The following RNF8 variants were observed in gnomAD, a reference collection of about 807,000 sequenced individuals.
RNF8 encodes the protein ring finger protein 8.
RNF8 carries 8 observed loss-of-function variants against 59.3 expected under a neutral mutation model. The ratio of observed to expected loss-of-function variants is 0.13; its 90% CI spans 0.08 to 0.24. RNF8 has a LOEUF of 0.24. Among genes scored for constraint, RNF8 ranks in the 10% least tolerant of loss-of-function variants. The pLI, the probability that RNF8 is intolerant of heterozygous loss-of-function variation, is 1.00. For missense variants in RNF8, 406 were observed against 572.6 expected, an observed-to-expected ratio of 0.71 and a Z score of 2.97; for synonymous variants, 162 against 200.0, an observed-to-expected ratio of 0.81 and a Z score of 1.60.
chr6:37,388,277 GTTTC>G (rs1352535929), intron 7 of RNF8, among the ~76,000 whole-genome samples: 2 of 152,168 alleles, frequency 1.3e-5, no homozygotes, highest in Non-Finnish European at 2.9e-5. Context: ...TCATGTCTAG[GTTTC>G]TTTCTATTGG....
chr6:37,393,478 A>G lies in RNF8; in HGVS notation c.*2720A>G, dbSNP rs1315544439. On this transcript the variant is annotated 3_prime_UTR_variant, in exon 8 of 8. Coordinates refer to ENST00000373479, the MANE Select transcript of RNF8 (RefSeq NM_003958.4). The stretch of plus-strand genomic sequence containing the variant: ...GGTAACTTTTCTGCCTTGCAGCATC[A>G]AACTATAGTACAGCTGAGCCCCAGT... 1 of 152,246 alleles carries G rather than the reference A, an allele frequency of 6.6e-6. No homozygotes were observed. Among genetic ancestry groups the G allele is most frequent in the Non-Finnish European group, 1.5e-5 (1 of 68,056 alleles). 9.4% of individuals were successfully genotyped at this position (152,246 alleles called of 1,614,324 possible). A position where few individuals can be genotyped will look rare whatever the true frequency, so the allele number is the denominator to read the frequency against.
chr6:37,382,142 CATT>C (rs1770293634), intron 7 of RNF8, among the ~76,000 whole-genome samples: 1 of 152,156 alleles, frequency 6.6e-6, no homozygotes, highest in African/African-American at 2.4e-5. Context: ...TTAAATAAGA[CATT>C]ATCTCAGCCC....
intron 3 of RNF8, among the ~76,000 whole-genome samples, 158 bp from the exon 4 acceptor site, chr6:37,371,354 C>T (rs1438825753): frequency 6.6e-6 from 1 of 152,056 alleles, no homozygotes; most frequent in Non-Finnish European, 1.5e-5. Context: ...TCTTTACTGC[C>T]AACAGCTTGA....
rs867898086 is a variant in RNF8, at chr6:37,383,435, A to G, written c.1441+2081A>G. Among the ~76,000 whole-genome samples, 52 of 152,234 alleles carry G rather than the reference A, an allele frequency of 3.4e-4. 1 individual carries two copies. Among genetic ancestry groups the G allele is most frequent in the Admixed American group, 2.0e-3 (30 of 15,286 alleles). Reference sequence around the variant, plus strand: ...AAAAAGGACCAAATTTAGGATCTGGAAACTAGGATTGGCAAGCCTGTAATT... The same window carrying G: ...AAAAAGGACCAAATTTAGGATCTGGGAACTAGGATTGGCAAGCCTGTAATT... On this transcript the variant is annotated intron_variant, in intron 7 of 7. Transcript: ENST00000373479.
chr6:37,354,886 G>C (rs890266975), intron 1 of RNF8, among the ~76,000 whole-genome samples: 1 of 152,222 alleles, frequency 6.6e-6, no homozygotes, highest in Non-Finnish European at 1.5e-5. Context: ...TTTGGGTTTT[G>C]TCCCTTAAAG....
chr6:37,380,802 C>G (rs1770229548), intron 6 of RNF8, among the ~76,000 whole-genome samples: 1 of 152,036 alleles, frequency 6.6e-6, no homozygotes, highest in South Asian at 2.1e-4. Flanking sequence ...CGTGCCTCAG[C>G]CACCCGAGTA....
In RNF8 at chr6:37,369,238, G is replaced by C; in HGVS notation, c.975+20G>C. On this transcript the variant is annotated intron_variant, in intron 3 of 7. Transcript: ENST00000373479. ...CTTCAGGTACCACACAGAAGGGAAG[G>C]GCAAGAGTGGTCTTCAGGGGTGGGG... 1 of 1,580,666 alleles carries C rather than the reference G, an allele frequency of 6.3e-7. No individual in the cohort carries two copies. The highest frequency in any genetic ancestry group is 8.6e-7 in the Non-Finnish European group (1 of 1,163,974).
At chr6:37,387,607 G>T (rs370058235) in intron 7 of RNF8, among the ~76,000 whole-genome samples, 1 of 152,190 alleles carries the variant, frequency 6.6e-6, no homozygotes, top group Non-Finnish European at 1.5e-5. Flanking sequence ...TTCCCACAGC[G>T]CTGGGGTTAT....
intron 2 of RNF8, among the ~76,000 whole-genome samples, chr6:37,362,258 A>G (rs1255449713): frequency 6.6e-6 from 1 of 152,198 alleles, no homozygotes; most frequent in African/African-American, 2.4e-5. Flanking sequence ...GCAGATTTTC[A>G]TAGGTTGGGA....
chr6:37,354,343 G>A, intron 1 of RNF8, 68 bp downstream of exon 1: 2 of 1,284,226 alleles, frequency 1.6e-6, no homozygotes, highest in East Asian at 2.6e-5. Context: ...GGGGAGGGAG[G>A]AAGGTGTCTT....
intron 7 of RNF8, among the ~76,000 whole-genome samples, chr6:37,389,704 G>A (rs1182471394): frequency 1.3e-5 from 2 of 151,970 alleles, no homozygotes; most frequent in Admixed American, 1.3e-4. Context: ...GTATCGTGGG[G>A]GGGTGGGGCA....
chr6:37,379,607 A>G (rs1770169023), intron 6 of RNF8, among the ~76,000 whole-genome samples: 1 of 152,200 alleles, frequency 6.6e-6, no homozygotes, highest in Admixed American at 6.5e-5. Flanking sequence ...CCACAAATAC[A>G]GGCTTCCTTT....
chr6:37,370,693 CCTTCACA>C (rs1296598862), intron 3 of RNF8, among the ~76,000 whole-genome samples: 1 of 122,104 alleles, frequency 8.2e-6, no homozygotes, highest in Non-Finnish European at 1.6e-5. Context: ...AACCCTTGCT[CCTTCACA>C]CTTTTTTTTT....
intron 7 of RNF8, among the ~76,000 whole-genome samples, chr6:37,388,662 G>T (rs1770604145): frequency 6.6e-6 from 1 of 152,078 alleles, no homozygotes; most frequent in Non-Finnish European, 1.5e-5. Context: ...TGTGGGGCAG[G>T]CAGAGCTGGC....
At chr6:37,389,703 G>T (rs747635530) in intron 7 of RNF8, among the ~76,000 whole-genome samples, 10 of 152,070 alleles carry the variant, frequency 6.6e-5, no homozygotes, top group Admixed American at 2.0e-4. Context: ...AGTATCGTGG[G>T]GGGGTGGGGC....
intron 7 of RNF8, among the ~76,000 whole-genome samples, chr6:37,390,453 G>A (rs1433469899): frequency 6.6e-6 from 1 of 152,154 alleles, no homozygotes; most frequent in Non-Finnish European, 1.5e-5. Context: ...AAGGAGGCTA[G>A]TGCTGGGGAG....
chr6:37,371,717 C>A, intron 4 of RNF8, 143 bp downstream of exon 4: 1 of 597,018 alleles, frequency 1.7e-6, no homozygotes, highest in Non-Finnish European at 3.0e-6. Context: ...GGCAGCTGCT[C>A]ACACCATCAG....
In RNF8 at chr6:37,354,152, G is replaced by A; in HGVS notation, c.-13G>A. ...CTCGCTCGGTGCTGACCGCCCCCGG[G>A]GTCGAGTAGGCGATGGGGGAGCCCG... On this transcript the variant is annotated 5_prime_UTR_variant, in exon 1 of 8. Coordinates refer to ENST00000373479, the MANE Select transcript of RNF8 (RefSeq NM_003958.4). 1 of 1,565,166 alleles carries A rather than the reference G, an allele frequency of 6.4e-7. No homozygotes were observed. Among genetic ancestry groups the A allele is most frequent in the Non-Finnish European group, 8.7e-7 (1 of 1,155,268 alleles).
chr6:37,381,881 T>C (rs1333860632), intron 7 of RNF8, among the ~76,000 whole-genome samples: 1 of 152,188 alleles, frequency 6.6e-6, no homozygotes, highest in Non-Finnish European at 1.5e-5. Context: ...TCTGAGCCTC[T>C]TATGCCCAAG....
Sources: allele counts gnomAD v4.1 joint callset (sites outside exome capture counted in the v4.1 genomes callset), GRCh38; gene constraint gnomAD v4.1.1; transcripts MANE v1.5; gene names NCBI Gene and HGNC (gene_info 2026-07-23, HGNC 2026-07-21).